The following ITGA9 variants were observed in gnomAD, a reference collection of about 807,000 sequenced individuals.
The protein encoded by ITGA9 is integrin alpha-9.
ITGA9 carries 56 observed loss-of-function variants against 127.8 expected under a neutral mutation model. The observed-to-expected ratio is 0.44, with a 90% CI of 0.35 to 0.55. ITGA9 has a LOEUF of 0.55. Ranked by LOEUF, ITGA9 falls within the 20% of genes least tolerant of loss-of-function variation. The pLI is 0.00. For missense variants in ITGA9, 1,196 were observed against 1,347.1 expected (o/e 0.89, Z 1.76); for synonymous variants, 508 against 514.5 (o/e 0.99, Z 0.17).
At position 37,513,299 on chromosome 3, in the gene ITGA9, GGCCA is replaced by G. The variant is rs1437104709; in HGVS notation, c.898-462_898-459del. On this transcript the variant is annotated intron_variant, in intron 8 of 27. Transcript: ENST00000264741. ...AGGACTCCAGGAATGGGGGACTTTG[GGCCA>G]GTTAGCTTTGTCTCACATTGACTGG... 2.0e-5 allele frequency among the ~76,000 whole-genome samples: 3 copies of G among 152,104 alleles called. No homozygotes were observed. In the East Asian group the frequency reaches 5.8e-4, roughly 29 times the overall value.
rs958783152 is a variant in ITGA9, at chr3:37,819,167, A to G, written c.*178A>G. 7.7e-6 allele frequency: 5 copies of G among 646,146 alleles called. No individual in the cohort carries two copies. The East Asian group carries it at 1.4e-4, about 18-fold the overall frequency. 40.0% of individuals were successfully genotyped at this position (646,146 alleles called of 1,614,324 possible). A position where few individuals can be genotyped will look rare whatever the true frequency, so the allele number is the denominator to read the frequency against. On this transcript the variant is annotated 3_prime_UTR_variant, in exon 28 of 28. Coordinates refer to ENST00000264741, the MANE Select transcript of ITGA9 (RefSeq NM_002207.3). The stretch of plus-strand genomic sequence containing the variant: ...GAGGCAGCCACTTCGGCCAGGTCAC[A>G]CGACCGGGGCCAGCACCACTTCCTT...
intron 15 of ITGA9, among the ~76,000 whole-genome samples, chr3:37,596,018 A>G (rs1015814315): frequency 6.6e-6 from 1 of 152,220 alleles, no homozygotes; most frequent in African/African-American, 2.4e-5. Flanking sequence ...GCAAGGTGCT[A>G]GGAATACAGT....
At chr3:37,521,424 G>C (rs1200976107) in intron 11 of ITGA9, among the ~76,000 whole-genome samples, 1 of 152,212 alleles carries the variant, frequency 6.6e-6, no homozygotes, top group Non-Finnish European at 1.5e-5. Flanking sequence ...CACGGAGAGT[G>C]TTTATTTTAA....
chr3:37,692,501 T>A (rs986660715), intron 18 of ITGA9, among the ~76,000 whole-genome samples: 4 of 151,998 alleles, frequency 2.6e-5, no homozygotes, highest in African/African-American at 9.7e-5. Context: ...TTTAATTTAA[T>A]GAGTTGCTTG....
At chr3:37,722,570 G>T (rs1362301898) in intron 18 of ITGA9, among the ~76,000 whole-genome samples, 1 of 152,206 alleles carries the variant, frequency 6.6e-6, no homozygotes, top group Non-Finnish European at 1.5e-5. Flanking sequence ...TATATGAAAT[G>T]GAGCCAGTCC....
At chr3:37,642,924 C>A (rs75266129) in intron 16 of ITGA9, among the ~76,000 whole-genome samples, 6 of 152,284 alleles carry the variant, frequency 3.9e-5, no homozygotes, top group Admixed American at 3.9e-4. Context: ...AATAGTTTCC[C>A]GGCTGAGGTG....
intron 19 of ITGA9, among the ~76,000 whole-genome samples, chr3:37,735,013 G>A (rs1030431745): frequency 2.6e-5 from 4 of 152,296 alleles, no homozygotes; most frequent in South Asian, 2.1e-4. Context: ...GCAGCCCAGC[G>A]TGCACTCCCA....
chr3:37,468,999 T>A (rs1698400321), intron 1 of ITGA9, among the ~76,000 whole-genome samples: 1 of 152,188 alleles, frequency 6.6e-6, no homozygotes, highest in African/African-American at 2.4e-5. Context: ...GCCTGATTAG[T>A]GTTGTTTGGT....
At chr3:37,562,472 C>G (rs1007606959) in intron 15 of ITGA9, among the ~76,000 whole-genome samples, 1 of 152,166 alleles carries the variant, frequency 6.6e-6, no homozygotes, top group Non-Finnish European at 1.5e-5. Context: ...GCCCCCTCCC[C>G]GCTGCCCCGA....
At chr3:37,527,229 C>T (rs368688798) in intron 13 of ITGA9, among the ~76,000 whole-genome samples, 32 of 152,302 alleles carry the variant, frequency 2.1e-4, no homozygotes, top group African/African-American at 7.2e-4. Context: ...TGGGTTTATC[C>T]AGATGTAGCC....
At chr3:37,778,361 GT>G (rs1246811256) in intron 24 of ITGA9, among the ~76,000 whole-genome samples, 4 of 152,288 alleles carry the variant, frequency 2.6e-5, no homozygotes, top group Middle Eastern at 3.4e-3. Flanking sequence ...GCTCATGCCT[GT>G]AATACCAGCA....
At chr3:37,790,295 T>G in intron 26 of ITGA9, 1 of 537,848 alleles carries the variant, frequency 1.9e-6, no homozygotes, top group South Asian at 1.4e-5. Context: ...ATCTCTCCCT[T>G]AATTTCTGGA....
chr3:37,668,277 C>T lies in ITGA9; in HGVS notation c.1916+14487C>T, dbSNP rs143683421. Among the ~76,000 whole-genome samples, 178 of 152,296 alleles carry T rather than the reference C, an allele frequency of 1.2e-3. 1 individual carries two copies. The Middle Eastern group carries it at 0.017, about 15-fold the overall frequency. The stretch of plus-strand genomic sequence containing the variant: ...GAAGAGGCTGGCCACGTGCTCATAG[C>T]GGCCTTCCTCCTGAGACACCCGGGA... On this transcript the variant is annotated intron_variant, in intron 17 of 27. Coordinates refer to ENST00000264741, the MANE Select transcript of ITGA9 (RefSeq NM_002207.3).
intron 15 of ITGA9, among the ~76,000 whole-genome samples, chr3:37,554,716 T>A (rs1236608673): frequency 6.6e-6 from 1 of 152,056 alleles, no homozygotes; most frequent in Non-Finnish European, 1.5e-5. Flanking sequence ...CCTGAGGGTT[T>A]GATTGTCAGT....
Position 37,657,042 on chromosome 3 carries a change from G to A in ITGA9, c.1916+3252G>A, listed in dbSNP as rs142616412. Among the ~76,000 whole-genome samples the A allele has an allele frequency of 3.2e-3, 490 of 152,140 alleles. 4 individuals are homozygous for A. Among genetic ancestry groups the A allele is most frequent in the Middle Eastern group, 0.01 (3 of 294 alleles). ...AGCCTTGCATCCCAGGGATGAAGCCGACTTGATTGTGGTGGATAAACTTTT... is the reference window on the plus strand; with the variant it reads ...AGCCTTGCATCCCAGGGATGAAGCCAACTTGATTGTGGTGGATAAACTTTT... On this transcript the variant is annotated intron_variant, in intron 17 of 27. Transcript: ENST00000264741.
rs1336859937 is a variant in ITGA9, at chr3:37,822,531, A to C, written c.*3542A>C. 6.6e-6 allele frequency: 1 copy of C among 151,688 alleles called. No individual in the cohort carries two copies. Among genetic ancestry groups the C allele is most frequent in the Non-Finnish European group, 1.5e-5 (1 of 67,746 alleles). The allele number at this position is 151,688 out of a possible 1,614,324, so 9.4% of individuals were successfully genotyped here. ...CTGAGGTTTCCTCAGGCAGTTCTTT[A>C]GGAAAACTGTCAGCATCATGGGTAC... On this transcript the variant is annotated 3_prime_UTR_variant, in exon 28 of 28. Coordinates refer to ENST00000264741, the MANE Select transcript of ITGA9 (RefSeq NM_002207.3).
At chr3:37,611,820 ATTC>A in intron 15 of ITGA9, among the ~76,000 whole-genome samples, 1 of 152,022 alleles carries the variant, frequency 6.6e-6, no homozygotes, top group South Asian at 2.1e-4. Flanking sequence ...GAAGGTCAGG[ATTC>A]TTCTGTAAAA....
chr3:37,463,153 G>A (rs141728461), intron 1 of ITGA9, among the ~76,000 whole-genome samples: 1 of 152,310 alleles, frequency 6.6e-6, no homozygotes, highest in East Asian at 1.9e-4. Flanking sequence ...AATTGGTTTG[G>A]ACTTAGCGGG....
At chr3:37,579,740 C>A (rs1007839410) in intron 15 of ITGA9, among the ~76,000 whole-genome samples, 1 of 152,008 alleles carries the variant, frequency 6.6e-6, no homozygotes, top group African/African-American at 2.4e-5. Flanking sequence ...AATATCTAAC[C>A]CTCCTATCAG....
Sources: allele counts gnomAD v4.1 joint callset (sites outside exome capture counted in the v4.1 genomes callset), GRCh38; gene constraint gnomAD v4.1.1; transcripts MANE v1.5; gene names NCBI Gene and HGNC (gene_info 2026-07-23, HGNC 2026-07-21).